CDH12: variants seen among roughly 807,000 people sequenced by gnomAD.
CDH12 encodes the protein cadherin-12.
A neutral mutation model predicts 74.1 loss-of-function variants in CDH12; 41 were observed. That is an observed-to-expected ratio of 0.55 (90% CI 0.43 to 0.72). CDH12 has a LOEUF of 0.72. Ranked by LOEUF, CDH12 falls within the 30% of genes least tolerant of loss-of-function variation. CDH12 has a pLI of 0.00. For synonymous variants in CDH12, 399 were observed against 355.0 expected, an observed-to-expected ratio of 1.12 and a Z score of -1.39; for missense variants, 945 against 977.2, an observed-to-expected ratio of 0.97 and a Z score of 0.44.
chr5:22,829,919 C>G (rs954366324), intron 1 of CDH12, among the ~76,000 whole-genome samples: 1 of 152,142 alleles, frequency 6.6e-6, no homozygotes, highest in Non-Finnish European at 1.5e-5. Context: ...ACAGATGAAC[C>G]TGAAAAACCA....
chr5:22,070,230 C>T lies in CDH12; in HGVS notation c.231+8216G>A, dbSNP rs550377650. 2.6e-5 allele frequency among the ~76,000 whole-genome samples: 4 copies of T among 152,208 alleles called. No individual in the cohort carries two copies. The South Asian group carries it at 6.2e-4, about 24-fold the overall frequency. ...AAGATGAGTAAACCCAAGGACTTTACATTCTTTTCTGAGAAAAAAGGTTTG... is the reference window on the plus strand; with the variant it reads ...AAGATGAGTAAACCCAAGGACTTTATATTCTTTTCTGAGAAAAAAGGTTTG... On this transcript the variant is annotated intron_variant, in intron 5 of 14. Coordinates refer to ENST00000382254, the MANE Select transcript of CDH12 (RefSeq NM_004061.5).
At chr5:22,473,805 T>C (rs989419226) in intron 2 of CDH12, among the ~76,000 whole-genome samples, 5 of 152,118 alleles carry the variant, frequency 3.3e-5, no homozygotes, top group African/African-American at 9.6e-5. Flanking sequence ...TTGATATATA[T>C]AGTGTAATGG....
intron 1 of CDH12, among the ~76,000 whole-genome samples, chr5:22,742,207 A>G (rs1745062926): frequency 6.6e-6 from 1 of 151,662 alleles, no homozygotes; most frequent in African/African-American, 2.4e-5. Flanking sequence ...AGAAAGAAAG[A>G]AAGGAAGAGA....
chr5:22,585,745 T>C (rs1159793619), intron 1 of CDH12, among the ~76,000 whole-genome samples: 1 of 152,190 alleles, frequency 6.6e-6, no homozygotes, highest in Non-Finnish European at 1.5e-5. Context: ...TTAATTTTGT[T>C]ATTTTCAGAG....
chr5:22,117,469 A>T (rs11958832), intron 4 of CDH12, among the ~76,000 whole-genome samples: 3 of 69,648 alleles, frequency 4.3e-5, no homozygotes, highest in African/African-American at 1.2e-4. Flanking sequence ...TATATATATA[A>T]TATATATATT....
rs201370497 is a variant in CDH12 at position 22,802,843 on chromosome 5, G to A, written c.-523+50215C>T. Among the ~76,000 whole-genome samples the A allele has an allele frequency of 3.0e-4, 45 of 152,186 alleles. 3 individuals carry two copies. In the South Asian group the frequency reaches 8.3e-3, roughly 28 times the overall value. ...TTCTCTAAGCAATCTGTTGAGAGCC[G>A]AGTTTGGAAATATATACACGTTTAA... On this transcript the variant is annotated intron_variant, in intron 1 of 14. Transcript: ENST00000382254.
intron 1 of CDH12, among the ~76,000 whole-genome samples, chr5:22,711,504 C>G (rs552721491): frequency 6.6e-6 from 1 of 152,172 alleles, no homozygotes; most frequent in East Asian, 1.9e-4. Context: ...GGAAAACAAA[C>G]AGCAATTATA....
intron 1 of CDH12, among the ~76,000 whole-genome samples, chr5:22,603,547 C>T (rs970922636): frequency 2.2e-4 from 34 of 152,068 alleles, no homozygotes; most frequent in African/African-American, 5.5e-4. Context: ...GGAAATAAGA[C>T]GTGGCAGTAA....
intron 3 of CDH12, among the ~76,000 whole-genome samples, chr5:22,324,382 T>G (rs546798024): frequency 6.6e-6 from 1 of 152,140 alleles, no homozygotes; most frequent in East Asian, 1.9e-4. Context: ...CTATATGTAA[T>G]AGTTAAAATA....
intron 1 of CDH12, among the ~76,000 whole-genome samples, chr5:22,722,134 C>A (rs1190705749): frequency 6.6e-6 from 1 of 152,198 alleles, no homozygotes; most frequent in Admixed American, 6.5e-5. Flanking sequence ...GATTACAGAA[C>A]CTACCTGATC....
chr5:21,884,033 G>T, intron 6 of CDH12: 1 of 1,449,706 alleles, frequency 6.9e-7, no homozygotes, highest in South Asian at 1.1e-5. Context: ...CCACTGCTAC[G>T]AATGCAGGTG....
At chr5:22,606,806 T>C (rs1243808803) in intron 1 of CDH12, among the ~76,000 whole-genome samples, 2 of 152,096 alleles carry the variant, frequency 1.3e-5, no homozygotes, top group African/African-American at 4.8e-5. Flanking sequence ...CAGGTAGAAT[T>C]TGGAACAGTT....
At chr5:21,911,788 C>T (rs1753870137) in intron 6 of CDH12, among the ~76,000 whole-genome samples, 1 of 151,986 alleles carries the variant, frequency 6.6e-6, no homozygotes, top group African/African-American at 2.4e-5. Flanking sequence ...TTTAATTCAT[C>T]AAAAGTTAAT....
intron 3 of CDH12, among the ~76,000 whole-genome samples, chr5:22,385,994 G>A (rs1741983858): frequency 6.8e-6 from 1 of 147,260 alleles, no homozygotes; most frequent in South Asian, 2.1e-4. Context: ...CCAGTTTCAA[G>A]CAATTGTCCT....
At chr5:22,030,454 T>C (rs566394856) in intron 5 of CDH12, among the ~76,000 whole-genome samples, 51 of 152,258 alleles carry the variant, frequency 3.3e-4, no homozygotes, top group Admixed American at 2.9e-3. Flanking sequence ...AGTAATATTT[T>C]GATAGGAACC....
At chr5:22,540,623 G>A (rs1221282516) in intron 1 of CDH12, among the ~76,000 whole-genome samples, 1 of 152,018 alleles carries the variant, frequency 6.6e-6, no homozygotes, top group Non-Finnish European at 1.5e-5. Context: ...AATTCACACA[G>A]GATTTCTTTT....
chr5:22,431,225 C>G (rs965040462), intron 2 of CDH12, among the ~76,000 whole-genome samples: 3 of 152,252 alleles, frequency 2.0e-5, no homozygotes, highest in African/African-American at 7.2e-5. Context: ...CCACTCAAAT[C>G]ACATATGGTC....
intron 3 of CDH12, among the ~76,000 whole-genome samples, chr5:22,399,993 C>T (rs1050622168): frequency 3.3e-5 from 5 of 152,090 alleles, no homozygotes; most frequent in Admixed American, 2.6e-4. Context: ...ACAATGATTC[C>T]TGTTTTATTA....
intron 4 of CDH12, among the ~76,000 whole-genome samples, chr5:22,100,652 G>GACACACACAC (rs150777646): frequency 0.29 from 42,267 of 144,048 alleles, 6,341 homozygotes; most frequent in Middle Eastern, 0.37. Context: ...CCATACATTA[G>GACACACACAC]ACACACACAC....
Sources: gnomAD v4.1 joint callset for allele counts (sites outside exome capture counted in the v4.1 genomes callset) on GRCh38, gnomAD v4.1.1 for gene constraint, MANE v1.5 for transcripts, NCBI Gene and HGNC (gene_info 2026-07-23, HGNC 2026-07-21) for gene names.